HIRA: variants seen among roughly 807,000 people sequenced by gnomAD.
The protein encoded by HIRA is protein HIRA.
HIRA carries 13 observed loss-of-function variants against 126.6 expected under a neutral mutation model. The observed-to-expected ratio is 0.10, with a 90% CI of 0.07 to 0.16. The LOEUF (loss-of-function observed/expected upper bound fraction) is 0.16. Ranked by LOEUF, HIRA falls within the 10% of genes least tolerant of loss-of-function variation. The pLI is 1.00. For missense variants in HIRA, 834 were observed against 1,314.4 expected (o/e 0.63, Z 5.65); for synonymous variants, 511 against 520.0 (o/e 0.98, Z 0.24).
In HIRA at chr22:19,359,648, G is replaced by C. The variant is rs372342926; in HGVS notation, c.2086-164C>G. 9.8e-5 allele frequency among the ~76,000 whole-genome samples: 15 copies of C among 152,324 alleles called. No individual in the cohort carries two copies. In the East Asian group the frequency reaches 1.7e-3, roughly 18 times the overall value. ...GCAGGTAGGGCAAAGGGGCTGAGCGGGAGGCCCAGAGGGCCAGACATGTGG... is the reference window on the plus strand; with the variant it reads ...GCAGGTAGGGCAAAGGGGCTGAGCGCGAGGCCCAGAGGGCCAGACATGTGG... On this transcript the variant is annotated intron_variant, in intron 17 of 24. Coordinates refer to ENST00000263208, the MANE Select transcript of HIRA (RefSeq NM_003325.4).
Position 19,431,701 on chromosome 22 carries a change from G to C in HIRA, c.-225C>G. On this transcript the variant is annotated 5_prime_UTR_variant, in exon 1 of 25. Coordinates refer to ENST00000263208, the MANE Select transcript of HIRA (RefSeq NM_003325.4). ...CGCCGCCACCACAGCCGCATCCCCT[G>C]CGCCGCTCCTCCTCAGGCGGCTCCC... 2.7e-6 allele frequency: 1 copy of C among 366,178 alleles called. No individual in the cohort carries two copies. The highest frequency in any genetic ancestry group is 4.6e-6 in the Non-Finnish European group (1 of 219,326). 22.7% of individuals were successfully genotyped at this position (366,178 alleles called of 1,614,324 possible). A position where few individuals can be genotyped will look rare whatever the true frequency, so the allele number is the denominator to read the frequency against.
At chr22:19,409,358 A>G (rs997512037) in intron 2 of HIRA, among the ~76,000 whole-genome samples, 2 of 150,186 alleles carry the variant, frequency 1.3e-5, no homozygotes, top group Admixed American at 6.7e-5. Context: ...ATCTCGGCTC[A>G]CTGCAACCTC....
intron 24 of HIRA, among the ~76,000 whole-genome samples, chr22:19,336,458 A>T (rs1192312957): frequency 6.6e-6 from 1 of 152,256 alleles, no homozygotes; most frequent in Non-Finnish European, 1.5e-5. Context: ...AATTCATAAC[A>T]GAACAACCCT....
intron 24 of HIRA, among the ~76,000 whole-genome samples, chr22:19,344,890 C>T (rs1035103769): frequency 6.6e-6 from 1 of 152,066 alleles, no homozygotes; most frequent in African/African-American, 2.4e-5. Context: ...TAAAATGACA[C>T]GATCATCTTA....
At chr22:19,362,718 G>T (rs1254468132) in intron 15 of HIRA, among the ~76,000 whole-genome samples, 2 of 151,710 alleles carry the variant, frequency 1.3e-5, no homozygotes, top group South Asian at 2.1e-4. Flanking sequence ...GTGCCACCAC[G>T]CCTGGTTAAT....
rs1272965481 is a variant in HIRA, at chr22:19,360,884, G to GA, written c.2085+352dup. Among the ~76,000 whole-genome samples the GA allele has an allele frequency of 6.6e-5, 10 of 152,350 alleles. No homozygotes were observed. The South Asian group carries it at 1.9e-3, about 28-fold the overall frequency. On this transcript the variant is annotated intron_variant, in intron 17 of 24. Transcript: ENST00000263208. ...TAGATTATGACCACACATTCCCACAGACACCAAGCCTGAGGCTGCCCAGGG... is the reference window on the plus strand; with the variant it reads ...TAGATTATGACCACACATTCCCACAGAACACCAAGCCTGAGGCTGCCCAGGG...
At chr22:19,361,442 G>C (rs1231099010) in intron 16 of HIRA, 101 bp from the exon 17 acceptor site, 2 of 991,322 alleles carry the variant, frequency 2.0e-6, no homozygotes, top group East Asian at 4.8e-5. Flanking sequence ...TGCGACCAGA[G>C]CATTTCCACC....
chr22:19,393,282 CAAAA>C (rs926480014), intron 8 of HIRA, among the ~76,000 whole-genome samples: 11 of 152,008 alleles, frequency 7.2e-5, no homozygotes, highest in African/African-American at 2.4e-4. Context: ...AACTCCAAAA[CAAAA>C]AAATTTAATA....
At chr22:19,403,779 T>G (rs1397556340) in intron 5 of HIRA, among the ~76,000 whole-genome samples, 2 of 152,224 alleles carry the variant, frequency 1.3e-5, no homozygotes, top group Admixed American at 6.5e-5. Context: ...TATATCTTCC[T>G]TTCAATTATA....
rs963166361 is a variant in HIRA at position 19,408,154 on chromosome 22, T to C, written c.211+329A>G. Among the ~76,000 whole-genome samples the C allele has an allele frequency of 2.0e-5, 3 of 152,056 alleles. No homozygotes were observed. In the East Asian group the frequency reaches 5.8e-4, roughly 29 times the overall value. ...AGTGACACAGTAACAACCTGAGATG[T>C]TTTGGCAAATTGTCTCTTGCGCACC... On this transcript the variant is annotated intron_variant, in intron 3 of 24. Coordinates refer to ENST00000263208, the MANE Select transcript of HIRA (RefSeq NM_003325.4).
chr22:19,362,361 G>C (rs2088871868), intron 15 of HIRA, among the ~76,000 whole-genome samples: 3 of 152,150 alleles, frequency 2.0e-5, no homozygotes, highest in Non-Finnish European at 4.4e-5. Context: ...ATGAATGAGT[G>C]AAATAAGTGG....
chr22:19,363,116 C>T (rs2088879647), intron 15 of HIRA, among the ~76,000 whole-genome samples: 1 of 151,092 alleles, frequency 6.6e-6, no homozygotes, highest in Non-Finnish European at 1.5e-5. Flanking sequence ...TGCCTGTAGT[C>T]CCAGCTACTC....
intron 14 of HIRA, among the ~76,000 whole-genome samples, chr22:19,376,057 T>G (rs988755163): frequency 6.6e-6 from 1 of 152,198 alleles, no homozygotes; most frequent in Non-Finnish European, 1.5e-5. Context: ...GAATGAGGCC[T>G]AGAACATGGT....
At chr22:19,394,769 C>T (rs2089209586) in intron 7 of HIRA, among the ~76,000 whole-genome samples, 1 of 152,184 alleles carries the variant, frequency 6.6e-6, no homozygotes, top group Non-Finnish European at 1.5e-5. Flanking sequence ...AGTGTATGCC[C>T]TGAGGAGATC....
In HIRA at chr22:19,423,217, G is replaced by T. The variant is rs1342099107; in HGVS notation, c.37+8223C>A. On this transcript the variant is annotated intron_variant, in intron 1 of 24. Transcript: ENST00000263208. ...TCCCACTTAAACCCGTCTATCCCCC[G>T]CCTCTGCCTCAGCATTCCTCATCTC... 2.0e-5 allele frequency among the ~76,000 whole-genome samples: 3 copies of T among 152,022 alleles called. No individual in the cohort carries two copies. In the East Asian group the frequency reaches 5.8e-4, roughly 29 times the overall value.
rs3214093 is a variant in HIRA at position 19,410,790 on chromosome 22, G to GA, written c.38-13dup. ...AAAAATCGGCTTGCCTGGAAACAAA[G>GA]AAAAAAAAATACAGTATCTAAATTG... On this transcript the variant is annotated splice_polypyrimidine_tract_variant and intron_variant, in intron 1 of 24. Transcript: ENST00000263208. The GA allele has an allele frequency of 6.9e-4, 1,085 of 1,562,676 alleles. No homozygotes were observed. Among genetic ancestry groups the GA allele is most frequent in the Non-Finnish European group, 7.8e-4 (899 of 1,155,280 alleles).
intron 1 of HIRA, among the ~76,000 whole-genome samples, chr22:19,425,137 C>G (rs760544981): frequency 1.3e-5 from 2 of 152,170 alleles, no homozygotes; most frequent in African/African-American, 2.4e-5. Flanking sequence ...AGCAGGTTGG[C>G]CTGCAGAAGG....
At chr22:19,376,489 C>T (rs548394519) in intron 14 of HIRA, among the ~76,000 whole-genome samples, 1 of 152,210 alleles carries the variant, frequency 6.6e-6, no homozygotes, top group East Asian at 1.9e-4. Flanking sequence ...AGACACCACA[C>T]CACATGCCTG....
At chr22:19,350,442 T>C (rs1360654595) in intron 24 of HIRA, among the ~76,000 whole-genome samples, 2 of 152,238 alleles carry the variant, frequency 1.3e-5, no homozygotes, top group African/African-American at 2.4e-5. Flanking sequence ...TGAATGGTTC[T>C]GGCATCCATT....
Sources: gnomAD v4.1 joint callset for allele counts (sites outside exome capture counted in the v4.1 genomes callset) on GRCh38, gnomAD v4.1.1 for gene constraint, MANE v1.5 for transcripts, NCBI Gene and HGNC (gene_info 2026-07-23, HGNC 2026-07-21) for gene names.